The following SFMBT2 variants were observed in gnomAD, a reference collection of about 807,000 sequenced individuals.
SFMBT2 encodes the protein Scm like with four mbt domains 2.
Under a neutral mutation model 110.1 loss-of-function variants are expected in SFMBT2, and 38 were observed. The ratio of observed to expected loss-of-function variants is 0.35; its 90% CI spans 0.27 to 0.45. The LOEUF (loss-of-function observed/expected upper bound fraction) is 0.45, where lower values mean the gene tolerates loss of function less well. Ranked by LOEUF, SFMBT2 falls within the 20% of genes least tolerant of loss-of-function variation. The pLI is 1.00. For missense variants in SFMBT2, 1,011 were observed against 1,094.9 expected, an observed-to-expected ratio of 0.92 and a Z score of 1.08; for synonymous variants, 425 against 425.4, an observed-to-expected ratio of 1.00 and a Z score of 0.01.
At chr10:7,308,389 A>G (rs1267744266) in intron 4 of SFMBT2, among the ~76,000 whole-genome samples, 1 of 152,138 alleles carries the variant, frequency 6.6e-6, no homozygotes, top group African/African-American at 2.4e-5. Flanking sequence ...ACAAAAATTT[A>G]GCACCTATTA....
intron 17 of SFMBT2, among the ~76,000 whole-genome samples, chr10:7,173,967 G>C (rs1049273005): frequency 2.0e-5 from 3 of 152,154 alleles, no homozygotes; most frequent in African/African-American, 7.2e-5. Context: ...GAGACCATCA[G>C]GACTAACAAG....
chr10:7,393,340 A>G (rs1208978040), intron 1 of SFMBT2, among the ~76,000 whole-genome samples: 1 of 151,948 alleles, frequency 6.6e-6, no homozygotes, highest in African/African-American at 2.4e-5. Context: ...CTCATATATT[A>G]TATTCTTACA....
intron 1 of SFMBT2, among the ~76,000 whole-genome samples, chr10:7,400,039 G>A (rs1007269024): frequency 2.6e-5 from 4 of 152,216 alleles, no homozygotes; most frequent in Non-Finnish European, 4.4e-5. Flanking sequence ...AGGAATGGGA[G>A]GCTCCTCCAG....
intron 4 of SFMBT2, among the ~76,000 whole-genome samples, chr10:7,318,593 T>C (rs1462682595): frequency 2.0e-5 from 3 of 152,246 alleles, no homozygotes; most frequent in Non-Finnish European, 4.4e-5. Flanking sequence ...CTCTGTTAAA[T>C]ATGCCTTGAG....
intron 7 of SFMBT2, among the ~76,000 whole-genome samples, chr10:7,266,960 T>C (rs1359353134): frequency 2.6e-5 from 4 of 152,118 alleles, no homozygotes; most frequent in Non-Finnish European, 5.9e-5. Context: ...ATGTGGCTGA[T>C]AAAAAATAGC....
At chr10:7,229,722 T>C (rs1207092389) in intron 9 of SFMBT2, among the ~76,000 whole-genome samples, 4 of 126,158 alleles carry the variant, frequency 3.2e-5, no homozygotes, top group Non-Finnish European at 7.0e-5. Context: ...TTTTTTGTTG[T>C]TGTTGTTTTT....
intron 15 of SFMBT2, among the ~76,000 whole-genome samples, chr10:7,196,165 A>C (rs1321435952): frequency 2.0e-5 from 3 of 152,108 alleles, no homozygotes; most frequent in African/African-American, 7.2e-5. Flanking sequence ...CTATCCATAG[A>C]TTCAAGTCCA....
chr10:7,378,401 G>A, intron 2 of SFMBT2, among the ~76,000 whole-genome samples: 1 of 119,476 alleles, frequency 8.4e-6, no homozygotes, highest in Non-Finnish European at 1.7e-5. Flanking sequence ...GTGGGTGTAT[G>A]TGTGGATGGG....
At chr10:7,379,702 T>C (rs1298499835) in intron 2 of SFMBT2, among the ~76,000 whole-genome samples, 1 of 152,132 alleles carries the variant, frequency 6.6e-6, no homozygotes, top group African/African-American at 2.4e-5. Flanking sequence ...CATTTAGAAA[T>C]AGTATTTCCA....
At chr10:7,350,529 T>C (rs1221587094) in intron 4 of SFMBT2, among the ~76,000 whole-genome samples, 2 of 152,220 alleles carry the variant, frequency 1.3e-5, no homozygotes, top group African/African-American at 4.8e-5. Flanking sequence ...AAAGTGGCCA[T>C]GAACTGGCCA....
In SFMBT2 at chr10:7,170,786, G is replaced by A. The variant is rs1441484356; in HGVS notation, c.2544+142C>T. Reference sequence around the variant, plus strand: ...GGCAGCTCTCAGCAGGGGCCTTGGAGGGAGAAGGGTCTCGCACACCTGCCG... The same window carrying A: ...GGCAGCTCTCAGCAGGGGCCTTGGAAGGAGAAGGGTCTCGCACACCTGCCG... On this transcript the variant is annotated intron_variant, in intron 20 of 20. Coordinates refer to ENST00000397167, the MANE Select transcript of SFMBT2 (RefSeq NM_001387889.1). The surrounding 1 kb of genome is among the most constrained non-coding windows in gnomAD (Gnocchi z 4.6). 3.2e-6 allele frequency: 3 copies of A among 935,902 alleles called. No homozygotes were observed. The African/African-American group carries it at 4.9e-5, about 15-fold the overall frequency. 58.0% of individuals were successfully genotyped at this position (935,902 alleles called of 1,614,324 possible).
At chr10:7,357,305 T>C (rs1245330301) in intron 4 of SFMBT2, among the ~76,000 whole-genome samples, 1 of 152,120 alleles carries the variant, frequency 6.6e-6, no homozygotes, top group African/African-American at 2.4e-5. Flanking sequence ...GGTGGTTCTG[T>C]GAAGGTGTTG....
chr10:7,204,972 T>C (rs1288225446), intron 12 of SFMBT2: 6 of 979,988 alleles, frequency 6.1e-6, no homozygotes, highest in African/African-American at 1.7e-5. Flanking sequence ...TAACTGTTAA[T>C]ATTGGTTATT....
chr10:7,366,826 C>T (rs928478354), intron 4 of SFMBT2, among the ~76,000 whole-genome samples: 4 of 152,210 alleles, frequency 2.6e-5, no homozygotes, highest in Non-Finnish European at 5.9e-5. Context: ...GGTTATGGGG[C>T]TGTCCTGTGC....
intron 14 of SFMBT2, among the ~76,000 whole-genome samples, chr10:7,198,806 C>T (rs879581352): frequency 3.3e-5 from 5 of 151,914 alleles, no homozygotes; most frequent in Admixed American, 2.0e-4. Flanking sequence ...TTTGGGAGGC[C>T]GAGGTGGGTG....
rs570537453 is a variant in SFMBT2, at chr10:7,172,162, G to C, written c.2152-4C>G. ...CAGCGTCCTCCTCTTCACTTTCCTG[G>C]GAAGGAGGAAAAGGCATTTAAGGGG... On this transcript the variant is annotated splice_region_variant and splice_polypyrimidine_tract_variant and intron_variant, in intron 18 of 20. Coordinates refer to ENST00000397167, the MANE Select transcript of SFMBT2 (RefSeq NM_001387889.1). The surrounding 1 kb of genome is among the most constrained non-coding windows in gnomAD (Gnocchi z 4.6). 7.1e-6 allele frequency: 11 copies of C among 1,540,154 alleles called. No individual in the cohort carries two copies. The East Asian group carries it at 2.1e-4, about 29-fold the overall frequency.
chr10:7,177,192 TGATA>T (rs1314637995), intron 16 of SFMBT2, among the ~76,000 whole-genome samples: 4 of 152,038 alleles, frequency 2.6e-5, no homozygotes, highest in Admixed American at 2.0e-4. Flanking sequence ...CTTGATTGAG[TGATA>T]GATAGTGGAT....
In SFMBT2 at chr10:7,250,379, G is replaced by A. The variant is rs113783104; in HGVS notation, c.871-1730C>T. Among the ~76,000 whole-genome samples, 699 of 151,946 alleles carry A rather than the reference G, an allele frequency of 4.6e-3. 7 individuals carry two copies. Among genetic ancestry groups the A allele is most frequent in the African/African-American group, 0.015 (641 of 41,426 alleles). On this transcript the variant is annotated intron_variant, in intron 7 of 20. Transcript: ENST00000397167. The stretch of plus-strand genomic sequence containing the variant: ...CCTGCATTAGTTTGCTAACAATAGC[G>A]GCCTTCAGCTCCATCCATGTTGCTG...
At chr10:7,372,466 C>T (rs1845088428) in intron 2 of SFMBT2, among the ~76,000 whole-genome samples, 1 of 152,188 alleles carries the variant, frequency 6.6e-6, no homozygotes, top group South Asian at 2.1e-4. Context: ...AAAACCTTTC[C>T]TTGGTGGTGC....
Sources: gnomAD v4.1 joint callset for allele counts (sites outside exome capture counted in the v4.1 genomes callset) on GRCh38, gnomAD v4.1.1 for gene constraint, Gnocchi (gnomAD v3.1) non-coding constraint, MANE v1.5 for transcripts, NCBI Gene and HGNC (gene_info 2026-07-23, HGNC 2026-07-21) for gene names.